XPO7: variants seen among roughly 807,000 people sequenced by gnomAD.
The protein encoded by XPO7 is exportin-7.
Under a neutral mutation model 144.3 loss-of-function variants are expected in XPO7, and 21 were observed. The ratio of observed to expected loss-of-function variants is 0.15; its 90% CI spans 0.10 to 0.21. The LOEUF (loss-of-function observed/expected upper bound fraction) is 0.21. XPO7 is among the 10% of genes least tolerant of loss of function. The probability of loss-of-function intolerance (pLI) is 1.00; values close to 1 mark genes in which losing one functional copy is unlikely to be tolerated. For synonymous variants in XPO7, 580 were observed against 499.6 expected, an observed-to-expected ratio of 1.16 and a Z score of -2.15; for missense variants, 808 against 1,325.8, an observed-to-expected ratio of 0.61 and a Z score of 6.06.
rs1161134693 is a variant in XPO7 at position 21,982,771 on chromosome 8, C to T, written c.1236C>T (p.Ala412=). The T allele has an allele frequency of 1.9e-6, 3 of 1,613,622 alleles. No individual in the cohort carries two copies. The part of the protein sequence containing the change: ...LETYTPEVTK[A]YITSRLESVH... ...CTTACACTCCTGAGGTCACCAAAGC[C>T]TACATCACATCCCGGTTGGAATCTG... The change falls in exon 11 of 28, where the codon GCC becomes GCT. Residue 412 remains alanine (A), a synonymous_variant. Coordinates refer to ENST00000252512, the MANE Select transcript of XPO7 (RefSeq NM_015024.5).
At chr8:21,976,117 G>A (rs771082894) in intron 6 of XPO7, among the ~76,000 whole-genome samples, 22 of 152,118 alleles carry the variant, frequency 1.4e-4, no homozygotes, top group Non-Finnish European at 2.6e-4. Context: ...TGTTAAAACA[G>A]GGCTTTCTTT....
chr8:22,002,144 C>T lies in XPO7; in HGVS notation c.2815C>T (p.Leu939=). 6.2e-7 allele frequency: 1 copy of T among 1,611,952 alleles called. No homozygotes were observed. The highest frequency in any genetic ancestry group is 8.5e-7 in the Non-Finnish European group (1 of 1,179,088). ...TMVCTGCCSC[L]DHIVTYLFKQ... ...GGTATGCACAGGCTGCTGCTCCTGC[C>T]TGGACCACATTGTGACATACCTCTT... Residue 939 remains leucine (L), a synonymous_variant, in exon 25 of 28, where the codon CTG becomes TTG. Transcript: ENST00000252512.
intron 21 of XPO7, among the ~76,000 whole-genome samples, chr8:21,996,159 C>T (rs1027273015): frequency 6.6e-6 from 1 of 152,308 alleles, no homozygotes; most frequent in African/African-American, 2.4e-5. Flanking sequence ...CATGGTGGCT[C>T]ATGCCTGTAA....
intron 9 of XPO7, among the ~76,000 whole-genome samples, chr8:21,981,448 C>G (rs1222325077): frequency 2.6e-5 from 4 of 152,184 alleles, no homozygotes; most frequent in African/African-American, 7.2e-5. Flanking sequence ...TGTGATCCTC[C>G]TGGGCTTCTG....
intron 1 of XPO7, among the ~76,000 whole-genome samples, chr8:21,936,290 C>T (rs1036693462): frequency 6.6e-6 from 1 of 152,150 alleles, no homozygotes; most frequent in Non-Finnish European, 1.5e-5. Context: ...ACCATGGCCT[C>T]TGTCTCTGTG....
intron 1 of XPO7, among the ~76,000 whole-genome samples, chr8:21,952,221 CTT>C (rs1192349879): frequency 1.3e-5 from 2 of 151,922 alleles, no homozygotes; most frequent in African/African-American, 4.8e-5. Context: ...TGCACACTGA[CTT>C]TTTTGTTACA....
rs552216966 is a variant in XPO7 at position 21,931,979 on chromosome 8, T to A, written c.18+12191T>A. ...CCTCCGCCTCCTGGGTTCAAGCGAT[T>A]TTCCTGCCTCAGCCTCCCTTAGTAG... is the stretch of plus-strand genomic sequence containing the variant. On this transcript the variant is annotated intron_variant, in intron 1 of 27. Coordinates refer to ENST00000252512, the MANE Select transcript of XPO7 (RefSeq NM_015024.5). Among the ~76,000 whole-genome samples, 17 of 152,224 alleles carry A rather than the reference T, an allele frequency of 1.1e-4. No individual in the cohort carries two copies. In the East Asian group the frequency reaches 2.9e-3, roughly 26 times the overall value.
chr8:21,965,395 A>G (rs1811850569), intron 1 of XPO7, among the ~76,000 whole-genome samples: 1 of 152,236 alleles, frequency 6.6e-6, no homozygotes, highest in African/African-American at 2.4e-5. Context: ...AAACTCAGGT[A>G]CTACTTATAG....
rs563414733 is a variant in XPO7, at chr8:21,924,394, T to TTGA, written c.18+4606_18+4607insTGA. Among the ~76,000 whole-genome samples, 7 of 152,246 alleles carry TTGA rather than the reference T, an allele frequency of 4.6e-5. No individual in the cohort carries two copies. The South Asian group carries it at 1.5e-3, about 32-fold the overall frequency. ...CAGCACCCAAATCAAGTCAGTATTATCGGTGCCCCAGAAGTCCCCTGATAC... is the reference window on the plus strand; with the variant it reads ...CAGCACCCAAATCAAGTCAGTATTATTGACGGTGCCCCAGAAGTCCCCTGATAC... On this transcript the variant is annotated intron_variant, in intron 1 of 27. Coordinates refer to ENST00000252512, the MANE Select transcript of XPO7 (RefSeq NM_015024.5).
intron 12 of XPO7, 31 bp downstream of exon 12, chr8:21,984,870 C>A: frequency 6.2e-7 from 1 of 1,608,304 alleles, no homozygotes; most frequent in Non-Finnish European, 8.5e-7. Context: ...GAACTCTAGA[C>A]CTGTGAGGAG....
rs1194047303 is a variant in XPO7 at position 22,002,265 on chromosome 8, TC to T, written c.2938del (p.Gln980SerfsTer8). 6.2e-7 allele frequency: 1 copy of T among 1,612,404 alleles called. No homozygotes were observed. The highest frequency in any genetic ancestry group is 1.7e-5 in the Admixed American group (1 of 59,826). On this transcript the variant is annotated frameshift_variant, in exon 25 of 28. Coordinates refer to ENST00000252512, the MANE Select transcript of XPO7 (RefSeq NM_015024.5). LOFTEE classifies it high-confidence loss of function. ...LHIMQQHPEM[I>X]QQMLSTVLNI... ...ATCATGCAGCAGCATCCAGAGATGA[TC>T]CAGCAGGTAAGAAAGTGGAGGCTTA...
intron 1 of XPO7, among the ~76,000 whole-genome samples, chr8:21,941,779 G>T (rs867137404): frequency 6.6e-6 from 1 of 152,144 alleles, no homozygotes; most frequent in African/African-American, 2.4e-5. Context: ...AGGCTTAAGC[G>T]ATCCTCCCGC....
intron 1 of XPO7, among the ~76,000 whole-genome samples, chr8:21,931,464 A>G (rs1350270013): frequency 6.6e-6 from 1 of 152,138 alleles, no homozygotes; most frequent in Non-Finnish European, 1.5e-5. Flanking sequence ...CTTATTTCTT[A>G]TTAACTTACA....
At chr8:22,001,752 G>A (rs1399361327) in intron 24 of XPO7, among the ~76,000 whole-genome samples, 2 of 152,172 alleles carry the variant, frequency 1.3e-5, no homozygotes, top group African/African-American at 4.8e-5. Flanking sequence ...CCTAATTCCT[G>A]AGTTCTTGAG....
chr8:21,982,728 A>T lies in XPO7; in HGVS notation c.1193A>T (p.Glu398Val), dbSNP rs1181844166. The stretch of plus-strand genomic sequence containing the variant: ...TCTGTGCCGTATGTCAAAGCCACAG[A>T]GCCCCACATGCTGGAAACTTACACT... ...AASVPYVKAT[E>V]PHMLETYTPE... Residue 398 changes from glutamate to valine, a missense_variant, in exon 11 of 28, where the codon GAG becomes GTG. This residue lies in a region of XPO7 where 416 missense variants were observed against 612.5 expected (regional missense o/e 0.68). Transcript: ENST00000252512. 1 of 1,613,988 alleles carries T rather than the reference A, an allele frequency of 6.2e-7. No homozygotes were observed. Among genetic ancestry groups the T allele is most frequent in the Admixed American group, 1.7e-5 (1 of 60,002 alleles).
intron 3 of XPO7, 108 bp downstream of exon 3, chr8:21,969,684 C>A: frequency 9.0e-7 from 1 of 1,105,808 alleles, no homozygotes; most frequent in Non-Finnish European, 1.3e-6. Flanking sequence ...AGATTGCTAA[C>A]CATACAAAAT....
chr8:21,982,444 C>A (rs1259835169), intron 10 of XPO7, among the ~76,000 whole-genome samples, 196 bp from the exon 11 acceptor site: 2 of 151,984 alleles, frequency 1.3e-5, no homozygotes, highest in Non-Finnish European at 2.9e-5. Context: ...ATAGAGTAGC[C>A]CTTCTCATTA....
chr8:21,987,890 C>T, intron 15 of XPO7, 33 bp downstream of exon 15: 1 of 1,604,060 alleles, frequency 6.2e-7, no homozygotes, highest in Non-Finnish European at 8.5e-7. Context: ...AGCAAGAGTC[C>T]TTTGCACTCC....
At chr8:21,927,927 A>G (rs993736262) in intron 1 of XPO7, among the ~76,000 whole-genome samples, 1 of 152,198 alleles carries the variant, frequency 6.6e-6, no homozygotes, top group Non-Finnish European at 1.5e-5. Context: ...TGGTTCATAG[A>G]GATTACTGTT....
Sources: allele counts gnomAD v4.1 joint callset (sites outside exome capture counted in the v4.1 genomes callset), GRCh38; gene constraint gnomAD v4.1.1; regional missense constraint gnomAD v4.1.1; transcripts MANE v1.5; gene names NCBI Gene and HGNC (gene_info 2026-07-23, HGNC 2026-07-21).